Variants in BMPR1A observed in about 807,000 individuals in gnomAD.
BMPR1A encodes bone morphogenetic protein receptor type 1A.
In BMPR1A, 7 loss-of-function variants were observed where a neutral mutation model predicts 66.0. The observed-to-expected ratio is 0.11, with a 90% CI of 0.06 to 0.20. The LOEUF (loss-of-function observed/expected upper bound fraction) is 0.20, where lower values mean the gene tolerates loss of function less well. Ranked by LOEUF, BMPR1A falls within the 10% of genes least tolerant of loss-of-function variation. BMPR1A has a pLI of 1.00. For missense variants in BMPR1A, 408 were observed against 669.1 expected, an observed-to-expected ratio of 0.61 and a Z score of 4.31; for synonymous variants, 200 against 229.7, an observed-to-expected ratio of 0.87 and a Z score of 1.17.
intron 10 of BMPR1A, among the ~76,000 whole-genome samples, chr10:86,921,004 T>C (rs1372242104): frequency 6.6e-6 from 1 of 152,028 alleles, no homozygotes; most frequent in Admixed American, 6.6e-5. Flanking sequence ...TATAGTCATG[T>C]GCCACCAACC....
intron 2 of BMPR1A, among the ~76,000 whole-genome samples, chr10:86,863,094 C>G (rs1286605642): frequency 6.6e-6 from 1 of 151,946 alleles, no homozygotes; most frequent in Non-Finnish European, 1.5e-5. Flanking sequence ...GTTCTCCTAC[C>G]TCGGCCTCAA....
chr10:86,871,480 T>C (rs1842854835), intron 2 of BMPR1A, among the ~76,000 whole-genome samples: 1 of 152,184 alleles, frequency 6.6e-6, no homozygotes, highest in African/African-American at 2.4e-5. Flanking sequence ...GAACACTGTT[T>C]CCATAGGACT....
At chr10:86,820,456 G>A (rs1842106742) in intron 1 of BMPR1A, among the ~76,000 whole-genome samples, 1 of 150,586 alleles carries the variant, frequency 6.6e-6, no homozygotes, top group Non-Finnish European at 1.5e-5. Context: ...AAAGATCACT[G>A]TATGACTTCT....
intron 2 of BMPR1A, among the ~76,000 whole-genome samples, chr10:86,839,449 T>C (rs1842395035): frequency 6.6e-6 from 1 of 151,952 alleles, no homozygotes; most frequent in African/African-American, 2.4e-5. Flanking sequence ...AGAAATTAGC[T>C]GAGCATGATG....
chr10:86,803,004 CAAAAAAAAAA>C (rs59957238), intron 1 of BMPR1A, among the ~76,000 whole-genome samples: 4 of 75,950 alleles, frequency 5.3e-5, no homozygotes, highest in African/African-American at 1.9e-4. Context: ...GACCCGGTCT[CAAAAAAAAAA>C]AAAAAAAAAA....
At chr10:86,830,334 G>A (rs1469848625) in intron 1 of BMPR1A, among the ~76,000 whole-genome samples, 1 of 152,174 alleles carries the variant, frequency 6.6e-6, no homozygotes, top group Non-Finnish European at 1.5e-5. Context: ...ACACAGATAG[G>A]CCTGGGAGAA....
At chr10:86,784,751 A>G (rs1415599211) in intron 1 of BMPR1A, among the ~76,000 whole-genome samples, 4 of 152,124 alleles carry the variant, frequency 2.6e-5, no homozygotes, top group Non-Finnish European at 5.9e-5. Context: ...GTGTGTTTCT[A>G]ATAATTCATC....
At chr10:86,764,742 A>T (rs989349786) in intron 1 of BMPR1A, among the ~76,000 whole-genome samples, 1 of 152,236 alleles carries the variant, frequency 6.6e-6, no homozygotes, top group African/African-American at 2.4e-5. Flanking sequence ...TCTACTGTCC[A>T]CTACAATAGA....
At chr10:86,865,613 A>T (rs1285087676) in intron 2 of BMPR1A, among the ~76,000 whole-genome samples, 1 of 152,222 alleles carries the variant, frequency 6.6e-6, no homozygotes, top group Non-Finnish European at 1.5e-5. Flanking sequence ...CTAGGCAAGA[A>T]TCAGTGTTTC....
downstream of BMPR1A, chr10:86,931,038 G>T (rs980822845): frequency 6.6e-6 from 1 of 151,806 alleles, no homozygotes; most frequent in African/African-American, 2.4e-5. Flanking sequence ...ACCACCTGAG[G>T]TCAGGAGCAG....
chr10:86,848,441 C>T (rs1410789898), intron 2 of BMPR1A, among the ~76,000 whole-genome samples: 4 of 151,866 alleles, frequency 2.6e-5, no homozygotes, highest in Admixed American at 1.3e-4. Context: ...CCTTGTACTT[C>T]GTATTATTTA....
chr10:86,842,720 T>G (rs1188817708), intron 2 of BMPR1A, among the ~76,000 whole-genome samples: 2 of 152,318 alleles, frequency 1.3e-5, no homozygotes, highest in East Asian at 3.9e-4. Flanking sequence ...TTTAATGGAC[T>G]CATAGTTCCA....
intron 3 of BMPR1A, among the ~76,000 whole-genome samples, chr10:86,889,040 C>T (rs914504134): frequency 1.3e-5 from 2 of 152,146 alleles, no homozygotes; most frequent in African/African-American, 4.8e-5. Flanking sequence ...TACATATACA[C>T]TTGTCTGTTT....
chr10:86,817,923 A>G (rs1842058800), intron 1 of BMPR1A, among the ~76,000 whole-genome samples: 1 of 152,262 alleles, frequency 6.6e-6, no homozygotes. Context: ...AACTACAGAT[A>G]ATACTTCTTA....
chr10:86,902,656 A>C (rs543801926), intron 7 of BMPR1A, among the ~76,000 whole-genome samples: 2 of 152,314 alleles, frequency 1.3e-5, no homozygotes, highest in Admixed American at 1.3e-4. Context: ...TTGCCAATCA[A>C]GGTGTCAGGC....
chr10:86,776,079 C>T (rs997515377), intron 1 of BMPR1A, among the ~76,000 whole-genome samples: 9 of 152,246 alleles, frequency 5.9e-5, no homozygotes, highest in Non-Finnish European at 1.2e-4. Flanking sequence ...TTTAAGCAGC[C>T]TCTGTTCCCC....
chr10:86,870,961 A>G (rs958931797), intron 2 of BMPR1A, among the ~76,000 whole-genome samples: 5 of 152,128 alleles, frequency 3.3e-5, no homozygotes, highest in African/African-American at 1.2e-4. Flanking sequence ...CAAGTCCTTC[A>G]TATGCCCTTG....
chr10:86,832,723 A>T (rs1012619152), intron 1 of BMPR1A, among the ~76,000 whole-genome samples: 1 of 152,106 alleles, frequency 6.6e-6, no homozygotes, highest in African/African-American at 2.4e-5. Flanking sequence ...TTTGAGGCTC[A>T]TGTATGCTGT....
At chr10:86,791,028 T>C (rs530007663) in intron 1 of BMPR1A, among the ~76,000 whole-genome samples, 255 of 152,318 alleles carry the variant, frequency 1.7e-3, no homozygotes, top group Non-Finnish European at 3.2e-3. Context: ...AATTGAAGGA[T>C]CAATTCCAAT....
Sources: gnomAD v4.1 joint callset for allele counts (sites outside exome capture counted in the v4.1 genomes callset) on GRCh38, gnomAD v4.1.1 for gene constraint, MANE v1.5 for transcripts, NCBI Gene and HGNC (gene_info 2026-07-23, HGNC 2026-07-21) for gene names.